The following NUP153 variants were observed in gnomAD, a reference collection of about 807,000 sequenced individuals.
NUP153 encodes the protein nuclear pore complex protein Nup153.
Under a neutral mutation model 134.6 loss-of-function variants are expected in NUP153, and 27 were observed. The observed-to-expected ratio is 0.20, with a 90% CI of 0.15 to 0.28. The LOEUF (loss-of-function observed/expected upper bound fraction) is 0.28, where lower values mean the gene tolerates loss of function less well. Ranked by LOEUF, NUP153 falls within the 10% of genes least tolerant of loss-of-function variation. The pLI, the probability that NUP153 is intolerant of heterozygous loss-of-function variation, is 1.00. For missense variants in NUP153, 1,821 were observed against 1,731.3 expected (o/e 1.05, Z -0.92); for synonymous variants, 640 against 623.5 (o/e 1.03, Z -0.40).
At chr6:17,687,391 G>T (rs1268468508) in intron 2 of NUP153, among the ~76,000 whole-genome samples, 2 of 152,170 alleles carry the variant, frequency 1.3e-5, no homozygotes, top group Non-Finnish European at 2.9e-5. Flanking sequence ...TCAGCTTAGA[G>T]ATCTACCAGA....
In NUP153 at chr6:17,625,733, A is replaced by G; in HGVS notation, c.3901+75T>C. On this transcript the variant is annotated intron_variant, in intron 19 of 21. Transcript: ENST00000262077. The surrounding 1 kb of genome is among the most constrained non-coding windows in gnomAD (Gnocchi z 4.7). ...CCATTTTGTGATAACCTGCTATATG[A>G]TATTCGCTAAGAACTGACACACTAA... is the stretch of plus-strand genomic sequence containing the variant. The G allele has an allele frequency of 8.9e-7, 1 of 1,124,094 alleles. No homozygotes were observed. Among genetic ancestry groups the G allele is most frequent in the Admixed American group, 1.9e-5 (1 of 52,070 alleles). 69.6% of individuals were successfully genotyped at this position (1,124,094 alleles called of 1,614,324 possible). A position where few individuals can be genotyped will look rare whatever the true frequency, so the allele number is the denominator to read the frequency against.
At position 17,675,310 on chromosome 6, in the gene NUP153, A is replaced by G; in HGVS notation, c.642T>C (p.Arg214=). 6.2e-7 allele frequency: 1 copy of G among 1,614,158 alleles called. No homozygotes were observed. Among genetic ancestry groups the G allele is most frequent in the Non-Finnish European group, 8.5e-7 (1 of 1,180,014 alleles). The change falls in exon 4 of 22, where the codon CGT becomes CGC. Residue 214 remains arginine, a synonymous_variant. Transcript: ENST00000262077. The surrounding 1 kb of genome is among the most constrained non-coding windows in gnomAD (Gnocchi z 4.4). ...CAGTGTGCTGTGAGAGTGAGTGAGA[A>G]CGTTCAGCTTCTGGGGACCACAGAG... ...LPPLWSPEAE[R]SHSLSQHTAT... is the part of the protein sequence containing the mutation.
In NUP153 at chr6:17,661,664, G is replaced by A; in HGVS notation, c.1384C>T (p.Leu462=). ...GTATACAACCCTACCTCCTCCTCCA[G>A]AGGTTTAGAAGCAACAAAGCGTGTT... ...ERTRFVASKP[L]EEEEMEVPVL... Residue 462 remains leucine (L), a synonymous_variant, in exon 11 of 22, where the codon CTG becomes TTG. Transcript: ENST00000262077. 6.2e-7 allele frequency: 1 copy of A among 1,613,514 alleles called. No homozygotes were observed. The highest frequency in any genetic ancestry group is 8.5e-7 in the Non-Finnish European group (1 of 1,179,716).
intron 1 of NUP153, among the ~76,000 whole-genome samples, chr6:17,703,807 TTC>T (rs1036655607): frequency 9.2e-5 from 14 of 152,310 alleles, no homozygotes; most frequent in African/African-American, 3.1e-4. Flanking sequence ...AAAATATGTT[TTC>T]TTTTTTAATT....
At chr6:17,651,951 G>A (rs1330870318) in intron 11 of NUP153, 12 of 612,908 alleles carry the variant, frequency 2.0e-5, no homozygotes, top group Non-Finnish European at 2.5e-5. Flanking sequence ...AAAAATTGGC[G>A]AGGTATGATG....
At chr6:17,650,449 C>T (rs1000264048) in intron 11 of NUP153, among the ~76,000 whole-genome samples, 1 of 152,174 alleles carries the variant, frequency 6.6e-6, no homozygotes, top group Admixed American at 6.5e-5. Context: ...AGACTCCAAG[C>T]TGCCAAAGAA....
intron 2 of NUP153, among the ~76,000 whole-genome samples, chr6:17,686,642 A>G (rs2113848155): frequency 6.6e-6 from 1 of 150,998 alleles, no homozygotes; most frequent in African/African-American, 2.4e-5. Context: ...TGATCCACCC[A>G]CCTCGGCCTC....
rs145212163 is a variant in NUP153, at chr6:17,655,566, G to A, written c.1395+6087C>T. Among the ~76,000 whole-genome samples, 195 of 151,362 alleles carry A rather than the reference G, an allele frequency of 1.3e-3. 1 individual carries two copies. Among genetic ancestry groups the A allele is most frequent in the Admixed American group, 3.6e-3 (55 of 15,196 alleles). ...CCTCCCAGGTTCAAGCGATTCTTCT[G>A]CCTCAGCTTCCCGAGTAGCTGGGAT... On this transcript the variant is annotated intron_variant, in intron 11 of 21. Coordinates refer to ENST00000262077, the MANE Select transcript of NUP153 (RefSeq NM_005124.4).
In NUP153 at chr6:17,616,119, G is replaced by GTCTT. The variant is rs1413803713; in HGVS notation, c.4402_4405dup (p.Thr1469LysfsTer5). On this transcript the variant is annotated frameshift_variant, in exon 22 of 22. Transcript: ENST00000262077. LOFTEE classifies it high-confidence loss of function. ...CCTTTATTTCCTGCGTCTAACAGCAGTCTTTATCTTGCGACCAGAGAATGA... is the reference window on the plus strand; with the variant it reads ...CCTTTATTTCCTGCGTCTAACAGCAGTCTTTCTTTATCTTGCGACCAGAGAATGA... 2 of 1,613,322 alleles carry GTCTT rather than the reference G, an allele frequency of 1.2e-6. No homozygotes were observed. The highest frequency in any genetic ancestry group is 2.7e-5 in the African/African-American group (2 of 74,900).
intron 20 of NUP153, among the ~76,000 whole-genome samples, chr6:17,618,766 C>T (rs958461046): frequency 2.6e-5 from 4 of 152,100 alleles, no homozygotes; most frequent in East Asian, 1.9e-4. Flanking sequence ...TGGGGTTTCA[C>T]CGTGTTAGCC....
At chr6:17,663,264 T>C (rs1432414473) in intron 9 of NUP153, among the ~76,000 whole-genome samples, 8 of 148,830 alleles carry the variant, frequency 5.4e-5, no homozygotes, top group African/African-American at 2.0e-4. Context: ...CACACACATA[T>C]ATATATATAT....
At chr6:17,642,635 CAA>C in intron 14 of NUP153, among the ~76,000 whole-genome samples, 1 of 152,282 alleles carries the variant, frequency 6.6e-6, no homozygotes, top group South Asian at 2.1e-4. Context: ...AGTGATTCTT[CAA>C]AAAGTTTAAT....
At chr6:17,640,117 CAA>C (rs1581688746) in intron 14 of NUP153, 53 bp from the exon 15 acceptor site, 2 of 1,323,244 alleles carry the variant, frequency 1.5e-6, no homozygotes, top group Admixed American at 2.7e-5. Context: ...ACTGGACTCT[CAA>C]ATGCATTTTT....
At chr6:17,627,010 T>C (rs1016122673) in intron 18 of NUP153, among the ~76,000 whole-genome samples, 2 of 152,250 alleles carry the variant, frequency 1.3e-5, no homozygotes, top group African/African-American at 4.8e-5. Flanking sequence ...AGAAAAACTT[T>C]TGATTTTTAT....
chr6:17,678,595 T>G lies in NUP153; in HGVS notation c.335-2825A>C, dbSNP rs577556110. On this transcript the variant is annotated intron_variant, in intron 2 of 21. Transcript: ENST00000262077. ...TCTCCTCAGTAAGTATTTTGTGATGTGCTGCTAGACTGTATTTGCCATTCT... is the reference window on the plus strand; with the variant it reads ...TCTCCTCAGTAAGTATTTTGTGATGGGCTGCTAGACTGTATTTGCCATTCT... 1.1e-4 allele frequency among the ~76,000 whole-genome samples: 16 copies of G among 152,314 alleles called. No homozygotes were observed. In the South Asian group the frequency reaches 3.3e-3, roughly 32 times the overall value.
intron 1 of NUP153, among the ~76,000 whole-genome samples, chr6:17,694,731 C>T (rs1268796870): frequency 3.3e-5 from 5 of 151,862 alleles, no homozygotes; most frequent in South Asian, 2.1e-4. Flanking sequence ...ATAAGCCCAG[C>T]GCTTTGGGAG....
intron 20 of NUP153, among the ~76,000 whole-genome samples, chr6:17,620,224 A>G (rs1216004176): frequency 6.6e-6 from 1 of 152,114 alleles, no homozygotes; most frequent in Non-Finnish European, 1.5e-5. Flanking sequence ...GTATCATACT[A>G]TCTGACTTCA....
chr6:17,616,267 G>GT, intron 21 of NUP153, 86 bp from the exon 22 acceptor site: 1 of 485,026 alleles, frequency 2.1e-6, no homozygotes. Flanking sequence ...CAGCACAAGG[G>GT]TAAGGGGGGT....
rs751433988 is a variant in NUP153 at position 17,637,443 on chromosome 6, G to C, written c.2174C>G (p.Thr725Ser). The change falls in exon 16 of 22, where the codon ACT (threonine) becomes AGT (serine). Residue 725 changes from threonine (T) to serine (S), a missense_variant. By Grantham distance (58) the Thr-to-Ser change is moderately conservative (BLOSUM62 1). Coordinates refer to ENST00000262077, the MANE Select transcript of NUP153 (RefSeq NM_005124.4). ...FGDKFKPVIGTWDCDTCLVQN... is the reference protein window; with the variant it reads ...FGDKFKPVIGSWDCDTCLVQN... ...CACTAAACAGGTATCACAATCCCAAGTGCCTATCACTGGTTTAAATTTGTC... is the reference window on the plus strand; with the variant it reads ...CACTAAACAGGTATCACAATCCCAACTGCCTATCACTGGTTTAAATTTGTC... 2 of 1,614,218 alleles carry C rather than the reference G, an allele frequency of 1.2e-6. No homozygotes were observed. Among genetic ancestry groups the C allele is most frequent in the Admixed American group, 3.3e-5 (2 of 60,016 alleles).
Sources: allele counts gnomAD v4.1 joint callset (sites outside exome capture counted in the v4.1 genomes callset), GRCh38; gene constraint gnomAD v4.1.1; non-coding constraint Gnocchi (gnomAD v3.1); transcripts MANE v1.5; gene names NCBI Gene and HGNC (gene_info 2026-07-23, HGNC 2026-07-21).